Variants in ACAN observed in about 807,000 individuals in gnomAD.
ACAN encodes aggrecan.
In ACAN, 47 loss-of-function variants were observed where a neutral mutation model predicts 169.1. The observed-to-expected ratio is 0.28, with a 90% CI of 0.22 to 0.35. The LOEUF (loss-of-function observed/expected upper bound fraction) is 0.35. Ranked by LOEUF, ACAN falls within the 10% of genes least tolerant of loss-of-function variation. The pLI, the probability that ACAN is intolerant of heterozygous loss-of-function variation, is 1.00. For missense variants in ACAN, 2,716 were observed against 2,759.9 expected, an observed-to-expected ratio of 0.98 and a Z score of 0.36; for synonymous variants, 1,115 against 1,112.2, an observed-to-expected ratio of 1.00 and a Z score of -0.05.
rs760132170 is a variant in ACAN, at chr15:88,855,094, G to C, written c.2509G>C (p.Ala837Pro). 4 of 1,594,096 alleles carry C rather than the reference G, an allele frequency of 2.5e-6. No homozygotes were observed. Among genetic ancestry groups the C allele is most frequent in the Non-Finnish European group, 3.4e-6 (4 of 1,171,148 alleles). The change falls in exon 12 of 19, where the codon GCC becomes CCC. Residue 837 changes from alanine (A) to proline (P), a missense_variant. Ala to Pro is a conservative substitution (Grantham distance 27, BLOSUM62 -1). Transcript: ENST00000560601. The part of the protein sequence containing the change: ...KEPSPSEEPS[A>P]SEEPYTPSPP... ...GCCATCCCCCTCAGAGGAACCATCA[G>C]CCTCGGAAGAGCCGTATACACCTTC...
chr15:88,827,227 G>A (rs983074053), intron 1 of ACAN, among the ~76,000 whole-genome samples: 7 of 152,142 alleles, frequency 4.6e-5, no homozygotes, highest in East Asian at 1.9e-4. Context: ...GTGGCAAGCC[G>A]TGGAGACGGC....
chr15:88,809,100 A>G (rs1031305209), intron 1 of ACAN, among the ~76,000 whole-genome samples: 1 of 152,246 alleles, frequency 6.6e-6, no homozygotes, highest in Non-Finnish European at 1.5e-5. Flanking sequence ...CAAATTAGAC[A>G]TACAATAAAA....
Position 88,868,164 on chromosome 15 carries a change from G to A in ACAN, c.6947-52G>A. On this transcript the variant is annotated intron_variant, in intron 13 of 18. Transcript: ENST00000560601. The surrounding 1 kb of genome is among the most constrained non-coding windows in gnomAD (Gnocchi z 5.2). ...CTCAAAAGGAGGCCACAGTGCTTGT[G>A]AGGCTGGAGTTGCCGGCAGGAGTCC... The A allele has an allele frequency of 1.5e-6, 1 of 688,756 alleles. No individual in the cohort carries two copies. Among genetic ancestry groups the A allele is most frequent in the Non-Finnish European group, 2.6e-6 (1 of 377,530 alleles). The allele number at this position is 688,756 out of a possible 1,614,324, so 42.7% of individuals were successfully genotyped here.
chr15:88,857,622 A>C lies in ACAN; in HGVS notation c.5037A>C (p.Glu1679Asp), dbSNP rs1200729087. The C allele has an allele frequency of 6.2e-7, 1 of 1,613,982 alleles. No individual in the cohort carries two copies. The highest frequency in any genetic ancestry group is 1.7e-5 in the Admixed American group (1 of 60,026). The change falls in exon 12 of 19, where the codon GAA (glutamate) becomes GAC (aspartate). Residue 1679 changes from glutamate to aspartate, a missense_variant. Glu to Asp is a conservative substitution (Grantham distance 45). Coordinates refer to ENST00000560601, the MANE Select transcript of ACAN (RefSeq NM_001369268.1). ...VVTASTASEL[E>D]GRGTIGISGA... ...CAGCCTCCACTGCAAGTGAACTGGA[A>C]GGGAGGGGAACCATTGGCATCAGTG...
chr15:88,868,460 G>C lies in ACAN; in HGVS notation c.7060+131G>C. 1.7e-6 allele frequency: 1 copy of C among 581,744 alleles called. No homozygotes were observed. Among genetic ancestry groups the C allele is most frequent in the Non-Finnish European group, 3.1e-6 (1 of 327,676 alleles). 36.0% of individuals were successfully genotyped at this position (581,744 alleles called of 1,614,324 possible). The stretch of plus-strand genomic sequence containing the variant: ...GAGGTTCATCTGGAGAGCCATTTCA[G>C]GGGCCACAACTGAAAATTCTGCCCC... On this transcript the variant is annotated intron_variant, in intron 14 of 18. Coordinates refer to ENST00000560601, the MANE Select transcript of ACAN (RefSeq NM_001369268.1). This position sits in a 1 kb window ranked among gnomAD's most constrained non-coding sequence, Gnocchi z 5.2.
chr15:88,874,536 C>A lies in ACAN; in HGVS notation c.*55C>A. 6.9e-7 allele frequency: 1 copy of A among 1,446,694 alleles called. No homozygotes were observed. The highest frequency in any genetic ancestry group is 9.5e-7 in the Non-Finnish European group (1 of 1,048,114). The allele number at this position is 1,446,694 out of a possible 1,614,324, so 89.6% of individuals were successfully genotyped here. ...TGAGCCCAGGAGCCTGCCAGGCTGA[C>A]GTGCATCCCACCCAGACGGTGTCCT... On this transcript the variant is annotated 3_prime_UTR_variant, in exon 19 of 19. Transcript: ENST00000560601. This position sits in a 1 kb window ranked among gnomAD's most constrained non-coding sequence, Gnocchi z 7.3.
At chr15:88,847,754 G>T (rs1273344661) in intron 8 of ACAN, among the ~76,000 whole-genome samples, 157 bp from the exon 9 acceptor site, 1 of 152,196 alleles carries the variant, frequency 6.6e-6, no homozygotes, top group African/African-American at 2.4e-5. Flanking sequence ...GCTGCTCAGA[G>T]AACTTGCTGC....
intron 1 of ACAN, among the ~76,000 whole-genome samples, chr15:88,831,464 C>A (rs776728581): frequency 3.3e-5 from 5 of 152,288 alleles, no homozygotes; most frequent in African/African-American, 1.2e-4. Flanking sequence ...CCTCCGCCCC[C>A]CAAGGCCTAG....
chr15:88,831,910 T>C (rs937242221), intron 1 of ACAN, among the ~76,000 whole-genome samples: 2 of 152,170 alleles, frequency 1.3e-5, no homozygotes, highest in Non-Finnish European at 2.9e-5. Context: ...AGGAAGCAGA[T>C]TGGACCTCTG....
At chr15:88,817,857 A>G (rs920817915) in intron 1 of ACAN, among the ~76,000 whole-genome samples, 1 of 151,434 alleles carries the variant, frequency 6.6e-6, no homozygotes. Flanking sequence ...CTGAAAAAAA[A>G]AAAAAAAAAA....
intron 11 of ACAN, among the ~76,000 whole-genome samples, chr15:88,853,745 GATAGATAGATAC>G (rs1567183305): frequency 8.0e-6 from 1 of 124,806 alleles, no homozygotes; most frequent in African/African-American, 3.1e-5. Flanking sequence ...ATGATAGATA[GATAGATAGATAC>G]ATACATACAT....
chr15:88,865,893 T>C (rs73465082), intron 13 of ACAN, among the ~76,000 whole-genome samples: 3,200 of 152,304 alleles, frequency 0.021, 118 homozygotes, highest in African/African-American at 0.073. Flanking sequence ...GCCTTCTGCC[T>C]GCTGCTGAAG....
At position 88,874,632 on chromosome 15, in the gene ACAN, T is replaced by C. The variant is rs1596158939; in HGVS notation, c.*151T>C. 1.3e-6 allele frequency: 1 copy of C among 782,218 alleles called. No homozygotes were observed. Among genetic ancestry groups the C allele is most frequent in the Non-Finnish European group, 2.2e-6 (1 of 460,470 alleles). The allele number at this position is 782,218 out of a possible 1,614,324, so 48.5% of individuals were successfully genotyped here. A position where few individuals can be genotyped will look rare whatever the true frequency, so the allele number is the denominator to read the frequency against. On this transcript the variant is annotated 3_prime_UTR_variant, in exon 19 of 19. Transcript: ENST00000560601. This position sits in a 1 kb window ranked among gnomAD's most constrained non-coding sequence, Gnocchi z 7.3. ...AAAAAATAAATCCCACATTTGTGTA[T>C]GCACCCACTCACCCCTCCAAATCAG...
intron 9 of ACAN, among the ~76,000 whole-genome samples, chr15:88,848,501 T>C (rs1011165374): frequency 4.9e-4 from 74 of 152,286 alleles, no homozygotes; most frequent in African/African-American, 1.7e-3. Context: ...TCAATGTGAG[T>C]TGATTGCTCT....
At chr15:88,819,500 T>C (rs1211581310) in intron 1 of ACAN, among the ~76,000 whole-genome samples, 1 of 151,438 alleles carries the variant, frequency 6.6e-6, no homozygotes, top group Non-Finnish European at 1.5e-5. Context: ...CAGGGACTCA[T>C]GCCTGTAATC....
chr15:88,862,355 G>C (rs971272680), intron 13 of ACAN, among the ~76,000 whole-genome samples: 7 of 152,202 alleles, frequency 4.6e-5, no homozygotes, highest in African/African-American at 1.7e-4. Context: ...AAACTCCCAG[G>C]CGACTCCAAT....
intron 9 of ACAN, 124 bp downstream of exon 9, chr15:88,848,162 A>T (rs903285442): frequency 1.4e-6 from 2 of 1,389,658 alleles, no homozygotes; most frequent in South Asian, 2.9e-5. Flanking sequence ...CCAGCTTTCC[A>T]GGTGGGAAAG....
At chr15:88,863,882 C>A (rs1459442442) in intron 13 of ACAN, among the ~76,000 whole-genome samples, 1 of 152,206 alleles carries the variant, frequency 6.6e-6, no homozygotes. Flanking sequence ...ATTTAAGAAG[C>A]AGGATATTGT....
Position 88,847,988 on chromosome 15 carries a change from G to A in ACAN, c.1682G>A (p.Arg561His), listed in dbSNP as rs376881991. Residue 561 changes from arginine to histidine, a missense_variant, in exon 9 of 19, where the codon CGC becomes CAC. Physicochemically the swap from Arg to His is conservative, Grantham distance 29. Around this residue, in one of 3 missense-constraint regions of ACAN, gnomAD observed 1,283 missense variants for 1,281.5 expected, o/e 1.00. Transcript: ENST00000560601. Reference sequence around the variant, plus strand: ...CCAGGGGTCAGGACCTATGGCGTGCGCCCATCAACAGAGACCTACGATGTC... The same window carrying A: ...CCAGGGGTCAGGACCTATGGCGTGCACCCATCAACAGAGACCTACGATGTC... The part of the protein sequence containing the change: ...SSPGVRTYGV[R>H]PSTETYDVYC... The A allele has an allele frequency of 2.9e-5, 47 of 1,613,848 alleles. No individual in the cohort carries two copies. Among genetic ancestry groups the A allele is most frequent in the Admixed American group, 6.7e-5 (4 of 59,998 alleles).
Sources: allele counts gnomAD v4.1 joint callset (sites outside exome capture counted in the v4.1 genomes callset), GRCh38; gene constraint gnomAD v4.1.1; regional missense constraint gnomAD v4.1.1; non-coding constraint Gnocchi (gnomAD v3.1); transcripts MANE v1.5; gene names NCBI Gene and HGNC (gene_info 2026-07-23, HGNC 2026-07-21).